Variants in DLC1 observed in about 807,000 individuals in gnomAD.
The protein encoded by DLC1 is DLC1 Rho GTPase activating protein.
Under a neutral mutation model 140.3 loss-of-function variants are expected in DLC1, and 54 were observed. The ratio of observed to expected loss-of-function variants is 0.38; its 90% confidence interval spans 0.31 to 0.48. DLC1 has a LOEUF of 0.48. DLC1 is among the 20% of genes least tolerant of loss of function. The pLI, the probability that DLC1 is intolerant of heterozygous loss-of-function variation, is 0.96. For synonymous variants in DLC1, 986 were observed against 728.1 expected, an observed-to-expected ratio of 1.35 and a Z score of -5.70; for missense variants, 2,536 against 1,907.0, an observed-to-expected ratio of 1.33 and a Z score of -6.14.
intron 5 of DLC1, among the ~76,000 whole-genome samples, chr8:13,248,239 A>G (rs1220747666): frequency 6.6e-6 from 1 of 152,196 alleles, no homozygotes; most frequent in Non-Finnish European, 1.5e-5. Context: ...TTAATTGATA[A>G]CACACTCTCT....
chr8:13,425,503 G>A (rs1014964788), intron 2 of DLC1, among the ~76,000 whole-genome samples: 9 of 152,122 alleles, frequency 5.9e-5, no homozygotes, highest in South Asian at 4.1e-4. Context: ...AGAATGGTTC[G>A]CTTTCTCTAT....
intron 2 of DLC1, among the ~76,000 whole-genome samples, chr8:13,477,767 C>T (rs144907897): frequency 3.9e-4 from 59 of 152,098 alleles, no homozygotes; most frequent in Non-Finnish European, 4.3e-4. Flanking sequence ...TATTCCTACA[C>T]CAGTCATAGA....
rs1803087266 is a variant in DLC1, at chr8:13,531,239, G to A, written c.-125-31043C>T. On this transcript the variant is annotated intron_variant, in intron 1 of 1. Transcript: ENST00000631382. ...ACCCAGTCTATAATAATTTGCTATA[G>A]CAGCCTGAACAGGCTACTACAGCAT... Among the ~76,000 whole-genome samples the A allele has an allele frequency of 2.0e-5, 3 of 152,256 alleles. No individual in the cohort carries two copies. In the South Asian group the frequency reaches 6.2e-4, roughly 32 times the overall value.
At chr8:13,340,884 C>T (rs1339494743) in intron 4 of DLC1, 1 of 152,198 alleles carries the variant, frequency 6.6e-6, no homozygotes, top group Non-Finnish European at 1.5e-5. Context: ...TTCAGCCATC[C>T]TCTATGGCTG....
rs562253188 is a variant in DLC1 at position 13,588,968 on chromosome 8, G to T, written c.-126+15569C>A. Among the ~76,000 whole-genome samples the T allele has an allele frequency of 4.6e-5, 7 of 152,200 alleles. No homozygotes were observed. In the South Asian group the frequency reaches 1.5e-3, roughly 32 times the overall value. ...AATGGGTGACAGATGGAGTCAGATT[G>T]CCCTCACATTCCTATAAGAGAGATA... On this transcript the variant is annotated intron_variant, in intron 1 of 1. Transcript: ENST00000631382.
intron 3 of DLC1, among the ~76,000 whole-genome samples, chr8:13,399,342 C>T (rs950006037): frequency 3.9e-5 from 6 of 152,174 alleles, no homozygotes; most frequent in Non-Finnish European, 1.5e-5. Flanking sequence ...GCTTTGGAGT[C>T]TGACTAATGT....
chr8:13,358,098 T>C (rs1037168625), intron 4 of DLC1, among the ~76,000 whole-genome samples: 1 of 152,208 alleles, frequency 6.6e-6, no homozygotes, highest in African/African-American at 2.4e-5. Context: ...GAAAGGCTAA[T>C]CCTGCTATTC....
intron 5 of DLC1, among the ~76,000 whole-genome samples, chr8:13,226,989 CA>C (rs940731677): frequency 6.6e-6 from 1 of 151,798 alleles, no homozygotes; most frequent in African/African-American, 2.4e-5. Flanking sequence ...AAAACTTCTG[CA>C]AAAAACTGGG....
intron 5 of DLC1, among the ~76,000 whole-genome samples, chr8:13,237,744 G>A (rs6985227): frequency 0.053 from 8,132 of 152,112 alleles, 265 homozygotes; most frequent in South Asian, 0.14. Flanking sequence ...TTTTTCTATT[G>A]TTCAGGTTTT....
rs192037462 is a variant in DLC1, at chr8:13,390,888, T to C, written c.1314+2665A>G. On this transcript the variant is annotated intron_variant, in intron 4 of 17. Coordinates refer to ENST00000276297, the MANE Select transcript of DLC1 (RefSeq NM_182643.3). The stretch of plus-strand genomic sequence containing the variant: ...CTGTAGTCCCAGCTACTCGGGAGGC[T>C]GAGGCAGAATGCCGTGAACCCAGGA... Among the ~76,000 whole-genome samples, 377 of 151,148 alleles carry C rather than the reference T, an allele frequency of 2.5e-3. 1 individual carries two copies. Among genetic ancestry groups the C allele is most frequent in the African/African-American group, 8.3e-3 (340 of 41,112 alleles).
At chr8:13,445,473 G>C (rs1563352816) in intron 2 of DLC1, among the ~76,000 whole-genome samples, 2 of 152,306 alleles carry the variant, frequency 1.3e-5, no homozygotes, top group East Asian at 1.9e-4. Context: ...AGAGCCTGTA[G>C]TGTCCAACAT....
intron 5 of DLC1, among the ~76,000 whole-genome samples, chr8:13,169,700 C>T (rs1343317917): frequency 6.6e-6 from 1 of 152,084 alleles, no homozygotes; most frequent in Non-Finnish European, 1.5e-5. Context: ...GGTGTTATTG[C>T]CTTTTATTAC....
chr8:13,418,382 A>G (rs1235320631), intron 2 of DLC1, among the ~76,000 whole-genome samples: 5 of 152,122 alleles, frequency 3.3e-5, no homozygotes, highest in African/African-American at 9.7e-5. Flanking sequence ...ATCTTGAATT[A>G]ATTTTTGTAT....
intron 1 of DLC1, among the ~76,000 whole-genome samples, chr8:13,527,706 A>G (rs1802963355): frequency 6.6e-6 from 1 of 152,132 alleles, no homozygotes; most frequent in South Asian, 2.1e-4. Flanking sequence ...ATTTTCCTGT[A>G]ATGTTTTTAT....
chr8:13,448,826 A>C (rs569713704), intron 2 of DLC1, among the ~76,000 whole-genome samples: 30 of 152,256 alleles, frequency 2.0e-4, no homozygotes, highest in African/African-American at 7.0e-4. Context: ...TACGGCCACA[A>C]ATGTGTTATA....
intron 5 of DLC1, among the ~76,000 whole-genome samples, chr8:13,279,687 T>G (rs185890960): frequency 3.3e-5 from 5 of 152,310 alleles, no homozygotes; most frequent in Middle Eastern, 3.4e-3. Context: ...CTCAGCTACA[T>G]TTTATGGGTA....
At chr8:13,421,438 C>G (rs1458801863) in intron 2 of DLC1, among the ~76,000 whole-genome samples, 2 of 152,076 alleles carry the variant, frequency 1.3e-5, no homozygotes, top group African/African-American at 4.8e-5. Context: ...ATATATCTGG[C>G]AATCTCTAAA....
intron 2 of DLC1, among the ~76,000 whole-genome samples, chr8:13,455,942 A>G (rs368049878): frequency 6.6e-6 from 1 of 152,238 alleles, no homozygotes; most frequent in African/African-American, 2.4e-5. Context: ...TGTAGATAAC[A>G]AAGTTCAGTC....
intron 1 of DLC1, among the ~76,000 whole-genome samples, chr8:13,545,234 C>A (rs1447228374): frequency 6.6e-6 from 1 of 151,390 alleles, no homozygotes; most frequent in African/African-American, 2.4e-5. Context: ...GGATATCCTG[C>A]TCAAATTAGA....
Sources: allele counts gnomAD v4.1 joint callset (sites outside exome capture counted in the v4.1 genomes callset), GRCh38; gene constraint gnomAD v4.1.1; transcripts MANE v1.5; gene names NCBI Gene and HGNC (gene_info 2026-07-23, HGNC 2026-07-21).